AADACL3: variants seen among roughly 807,000 people sequenced by gnomAD.
AADACL3 encodes arylacetamide deacetylase like 3, also known as arylacetamide deacetylase-like 3.
A neutral mutation model predicts 13.6 loss-of-function variants in AADACL3; 13 were observed. The ratio of observed to expected loss-of-function variants is 0.95; its 90% confidence interval spans 0.62 to 1.52. The LOEUF is 1.52. AADACL3 is among the 40% of genes most tolerant of loss of function. The probability of loss-of-function intolerance (pLI) is 0.00; values close to 1 mark genes in which losing one functional copy is unlikely to be tolerated. For synonymous variants in AADACL3, 195 were observed against 197.0 expected, an observed-to-expected ratio of 0.99 and a Z score of 0.08; for missense variants, 519 against 499.2, an observed-to-expected ratio of 1.04 and a Z score of -0.38.
At chr1:12,722,181 G>T (rs1638272775) in intron 3 of AADACL3, among the ~76,000 whole-genome samples, 1 of 152,062 alleles carries the variant, frequency 6.6e-6, no homozygotes, top group Non-Finnish European at 1.5e-5. Context: ...ACAAAAATTA[G>T]CCAGGTGTGG....
rs756346985 is a variant in AADACL3, at chr1:12,720,940, C to A, written c.443C>A (p.Ala148Glu). The A allele has an allele frequency of 6.2e-7, 1 of 1,606,722 alleles. No homozygotes were observed. Among genetic ancestry groups the A allele is most frequent in the Admixed American group, 1.7e-5 (1 of 59,100 alleles). Residue 148 changes from alanine (A) to glutamate (E), a missense_variant, in exon 3 of 4, where the codon GCA becomes GAA. Physicochemically the swap from Ala to Glu is moderately radical, Grantham distance 107. Coordinates refer to ENST00000359318, the MANE Select transcript of AADACL3 (RefSeq NM_001103170.3). ...AAGGAGAGTGACTCCGTGGTTCTGG[C>A]AGTTGGGTGAGTAAAGGGGAGATCC... is the stretch of plus-strand genomic sequence containing the variant. The part of the protein sequence containing the change: ...LCKESDSVVL[A>E]VGYRKLPKHK...
At position 12,725,428 on chromosome 1, in the gene AADACL3, T is replaced by A; in HGVS notation, c.656T>A (p.Ile219Asn). ...GATCTGCCCCGGATCCGGGCTCAGA[T>A]CCTGATCTATGCCATTCTCCAAGCC... ...RPDLPRIRAQ[I>N]LIYAILQALD... Residue 219 changes from isoleucine to asparagine, a missense_variant, in exon 4 of 4, where the codon ATC (isoleucine) becomes AAC (asparagine). Coordinates refer to ENST00000359318, the MANE Select transcript of AADACL3 (RefSeq NM_001103170.3). The A allele has an allele frequency of 1.2e-6, 2 of 1,613,984 alleles. No homozygotes were observed. The highest frequency in any genetic ancestry group is 1.6e-4 in the Middle Eastern group (1 of 6,062).
At chr1:12,722,752 G>T (rs1385716568) in intron 3 of AADACL3, among the ~76,000 whole-genome samples, 1 of 151,590 alleles carries the variant, frequency 6.6e-6, no homozygotes, top group African/African-American at 2.4e-5. Context: ...TGGATTTCTG[G>T]AATCTCTTAG....
chr1:12,724,236 T>A (rs1638322261), intron 3 of AADACL3, among the ~76,000 whole-genome samples: 1 of 152,178 alleles, frequency 6.6e-6, no homozygotes, highest in Non-Finnish European at 1.5e-5. Flanking sequence ...GACACCCACC[T>A]ATTGCAGGGC....
rs140245992 is a variant in AADACL3, at chr1:12,717,515, T to C, written c.168+1171T>C. On this transcript the variant is annotated intron_variant, in intron 1 of 3. Transcript: ENST00000359318. ...TTGTTACTCTTTGTTGATTCTTTTATTTTTTATGCAAAGATGTGTTATGCA... is the reference window on the plus strand; with the variant it reads ...TTGTTACTCTTTGTTGATTCTTTTACTTTTTATGCAAAGATGTGTTATGCA... 2.7e-3 allele frequency among the ~76,000 whole-genome samples: 414 copies of C among 152,352 alleles called. 3 individuals carry two copies. Among genetic ancestry groups the C allele is most frequent in the African/African-American group, 9.2e-3 (384 of 41,578 alleles).
In AADACL3 at chr1:12,719,559, C is replaced by A. The variant is rs1648520988; in HGVS notation, c.253C>A (p.Pro85Thr). The change falls in exon 2 of 4, where the codon CCC becomes ACC. Residue 85 changes from proline (P) to threonine (T), a missense_variant. Coordinates refer to ENST00000359318, the MANE Select transcript of AADACL3 (RefSeq NM_001103170.3). Reference sequence around the variant, plus strand: ...AGATCTGCCTCCGCTAAAGTATGACCCCGATGTTGTGGTCACGGATTTCCG... The same window carrying A: ...AGATCTGCCTCCGCTAAAGTATGACACCGATGTTGTGGTCACGGATTTCCG... ...MQDLPPLKYD[P>T]DVVVTDFRFG... The A allele has an allele frequency of 1.9e-6, 3 of 1,613,896 alleles. 1 individual carries two copies. The highest frequency in any genetic ancestry group is 3.3e-5 in the Admixed American group (2 of 59,998).
intron 1 of AADACL3, among the ~76,000 whole-genome samples, chr1:12,719,090 G>A (rs1180356730): frequency 6.6e-6 from 1 of 152,210 alleles, no homozygotes; most frequent in Non-Finnish European, 1.5e-5. Context: ...CAGATTGGCT[G>A]GGACGGCACA....
At chr1:12,719,723 G>A (rs1480637552) in intron 2 of AADACL3, 32 bp downstream of exon 2, 2 of 1,588,926 alleles carry the variant, frequency 1.3e-6, no homozygotes, top group African/African-American at 1.3e-5. Context: ...CTCCTAAAGG[G>A]TGGTGGCACC....
At position 12,716,264 on chromosome 1, in the gene AADACL3, A is replaced by G. The variant is rs1365043650; in HGVS notation, c.88A>G (p.Thr30Ala). Reference protein sequence around the residue: ...TLWVICSHFFTVHIPAAVGHP... With the variant: ...TLWVICSHFFAVHIPAAVGHP... ...GTGGGTCATTTGCAGCCATTTTTTC[A>G]CTGTGCACATCCCTGCAGCGGTTGG... Residue 30 changes from threonine to alanine, a missense_variant, in exon 1 of 4, where the codon ACT becomes GCT. Physicochemically the swap from Thr to Ala is moderately conservative, Grantham distance 58. Coordinates refer to ENST00000359318, the MANE Select transcript of AADACL3 (RefSeq NM_001103170.3). 2.5e-6 allele frequency: 4 copies of G among 1,590,176 alleles called. No individual in the cohort carries two copies. The highest frequency in any genetic ancestry group is 2.6e-6 in the Non-Finnish European group (3 of 1,158,672).
intron 3 of AADACL3, among the ~76,000 whole-genome samples, chr1:12,722,465 T>G (rs1407191499): frequency 6.6e-6 from 1 of 152,022 alleles, no homozygotes; most frequent in Admixed American, 6.6e-5. Flanking sequence ...GCCGGACACC[T>G]TGTCATTCTG....
In AADACL3 at chr1:12,725,952, A is replaced by G. The variant is rs757472650; in HGVS notation, c.1180A>G (p.Met394Val). 12 of 1,613,802 alleles carry G rather than the reference A, an allele frequency of 7.4e-6. No homozygotes were observed. The highest frequency in any genetic ancestry group is 4.0e-5 in the African/African-American group (3 of 74,890). The part of the protein sequence containing the change: ...DMSFLHFPCS[M>V]RILSALVQFV... ...GAGCTTCTTGCACTTTCCCTGCTCC[A>G]TGAGAATTCTGAGTGCATTAGTTCA... Residue 394 changes from methionine (M) to valine (V), a missense_variant, in exon 4 of 4, where the codon ATG (methionine) becomes GTG (valine). Physicochemically the swap from Met to Val is conservative, Grantham distance 21. Coordinates refer to ENST00000359318, the MANE Select transcript of AADACL3 (RefSeq NM_001103170.3).
intron 1 of AADACL3, among the ~76,000 whole-genome samples, chr1:12,717,164 G>T (rs1360430830): frequency 1.3e-5 from 2 of 152,102 alleles, no homozygotes; most frequent in Non-Finnish European, 2.9e-5. Flanking sequence ...GACACCCTAG[G>T]TGTGTCTTCT....
chr1:12,721,422 G>C (rs1213440715), intron 3 of AADACL3, among the ~76,000 whole-genome samples: 2 of 152,030 alleles, frequency 1.3e-5, no homozygotes, highest in African/African-American at 2.4e-5. Context: ...ACAAGAAAAA[G>C]AGAGTGAAAG....
intron 3 of AADACL3, among the ~76,000 whole-genome samples, chr1:12,723,272 T>C (rs1638303668): frequency 6.6e-6 from 1 of 152,156 alleles, no homozygotes; most frequent in Non-Finnish European, 1.5e-5. Flanking sequence ...AATAATTATT[T>C]ACCCAATTTT....
chr1:12,725,519 C>G lies in AADACL3; in HGVS notation c.747C>G (p.Ile249Met). ...TCCCACTGCTCACCTGGAGTTTCAT[C>G]TGCTACTTTTTTTTTCAAAACCTGG... ...KNIPLLTWSFICYFFFQNLDF... is the reference protein window; with the variant it reads ...KNIPLLTWSFMCYFFFQNLDF... Residue 249 changes from isoleucine (I) to methionine (M), a missense_variant, in exon 4 of 4, where the codon ATC (isoleucine) becomes ATG (methionine). Coordinates refer to ENST00000359318, the MANE Select transcript of AADACL3 (RefSeq NM_001103170.3). 6.2e-7 allele frequency: 1 copy of G among 1,614,172 alleles called. No homozygotes were observed. Among genetic ancestry groups the G allele is most frequent in the Non-Finnish European group, 8.5e-7 (1 of 1,180,042 alleles).
chr1:12,726,024 G>A lies in AADACL3; in HGVS notation c.*28G>A, dbSNP rs1480309106. ...ATCTTTCTTCTCTGCTGGTACTGCG[G>A]TGTGGATTCCACTGGCATCCAGCCT... On this transcript the variant is annotated 3_prime_UTR_variant, in exon 4 of 4. Coordinates refer to ENST00000359318, the MANE Select transcript of AADACL3 (RefSeq NM_001103170.3). 2 of 1,578,438 alleles carry A rather than the reference G, an allele frequency of 1.3e-6. No individual in the cohort carries two copies. The highest frequency in any genetic ancestry group is 1.7e-6 in the Non-Finnish European group (2 of 1,162,408).
rs1449048560 is a variant in AADACL3, at chr1:12,719,606, G to A, written c.300G>A (p.Lys100=). ...TDFRFGTIPV[K]LYQPKASTCT... ...TCCGCTTTGGGACAATCCCTGTGAA[G>A]CTGTACCAACCCAAGGCATCCACCT... The change falls in exon 2 of 4, where the codon AAG becomes AAA. Residue 100 remains lysine (K), a synonymous_variant. Transcript: ENST00000359318. 1.9e-6 allele frequency: 3 copies of A among 1,614,174 alleles called. No homozygotes were observed. The highest frequency in any genetic ancestry group is 2.2e-5 in the South Asian group (2 of 91,076).
Position 12,726,008 on chromosome 1 carries a change from CTCTGCTGGTA to C in AADACL3, c.*13_*22del. Reference sequence around the variant, plus strand: ...TAAAGGGACTGTGACCATCTTTCTTCTCTGCTGGTACTGCGGTGTGGATTCCACTGGCATC... The same window carrying C: ...TAAAGGGACTGTGACCATCTTTCTTCCTGCGGTGTGGATTCCACTGGCATC... On this transcript the variant is annotated 3_prime_UTR_variant, in exon 4 of 4. Transcript: ENST00000359318. The C allele has an allele frequency of 6.3e-7, 1 of 1,598,590 alleles. No homozygotes were observed. The highest frequency in any genetic ancestry group is 8.5e-7 in the Non-Finnish European group (1 of 1,172,136).
At position 12,726,752 on chromosome 1, in the gene AADACL3, A is replaced by G. The variant is rs1436416526; in HGVS notation, c.*756A>G. On this transcript the variant is annotated 3_prime_UTR_variant, in exon 4 of 4. Transcript: ENST00000359318. ...ATTTGAGAAGAGAAGTTGGGAGGGA[A>G]GTGGGGTCCTGAGTTAGAGACCCAT... The G allele has an allele frequency of 6.6e-6, 1 of 152,280 alleles. No homozygotes were observed. Among genetic ancestry groups the G allele is most frequent in the African/African-American group, 2.4e-5 (1 of 41,464 alleles). 9.4% of individuals were successfully genotyped at this position (152,280 alleles called of 1,614,324 possible).
Sources: allele counts gnomAD v4.1 joint callset (sites outside exome capture counted in the v4.1 genomes callset), GRCh38; gene constraint gnomAD v4.1.1; transcripts MANE v1.5; gene names NCBI Gene and HGNC (gene_info 2026-07-23, HGNC 2026-07-21).